The following RBFOX1 variants were observed in gnomAD, a reference collection of about 807,000 sequenced individuals.
RBFOX1 encodes the protein RNA binding fox-1 homolog 1, also known as RNA binding protein fox-1 homolog 1.
Under a neutral mutation model 57.7 loss-of-function variants are expected in RBFOX1, and 8 were observed. That is an observed-to-expected ratio of 0.14 (90% CI 0.08 to 0.25). RBFOX1 has a LOEUF of 0.25. RBFOX1 is among the 10% of genes least tolerant of loss of function. The pLI is 1.00. For missense variants in RBFOX1, 611 were observed against 548.5 expected (o/e 1.11, Z -1.14); for synonymous variants, 326 against 222.4 (o/e 1.47, Z -4.15).
intron 4 of RBFOX1, among the ~76,000 whole-genome samples, chr16:5,954,929 G>C (rs2059593236): frequency 6.6e-6 from 1 of 151,666 alleles, no homozygotes; most frequent in African/African-American, 2.4e-5. Flanking sequence ...GCACCATTCA[G>C]TTCCTGGGTT....
At chr16:7,139,748 A>G (rs530378291) in intron 4 of RBFOX1, among the ~76,000 whole-genome samples, 36 of 152,172 alleles carry the variant, frequency 2.4e-4, no homozygotes, top group African/African-American at 8.7e-4. Context: ...TGAGAAATAC[A>G]TTGATTGGAT....
intron 4 of RBFOX1, among the ~76,000 whole-genome samples, chr16:5,867,705 C>A (rs12924516): frequency 2.0e-5 from 3 of 151,782 alleles, no homozygotes; most frequent in South Asian, 2.1e-4. Flanking sequence ...TATTTTTTTC[C>A]TTTCCTTTAT....
intron 2 of RBFOX1, among the ~76,000 whole-genome samples, chr16:6,487,086 A>G (rs2095499857): frequency 6.6e-6 from 1 of 151,892 alleles, no homozygotes; most frequent in Non-Finnish European, 1.5e-5. Flanking sequence ...GTGTGTTTTT[A>G]TTAAGCTAAA....
intron 2 of RBFOX1, among the ~76,000 whole-genome samples, chr16:6,535,742 T>C (rs1368308200): frequency 1.3e-5 from 2 of 152,230 alleles, no homozygotes; most frequent in African/African-American, 4.8e-5. Flanking sequence ...GAAGCCTCTT[T>C]CATCTTTCTC....
At chr16:6,916,841 T>A (rs1019995809) in intron 3 of RBFOX1, among the ~76,000 whole-genome samples, 1 of 152,120 alleles carries the variant, frequency 6.6e-6, no homozygotes, top group African/African-American at 2.4e-5. Context: ...TTTTTTTATT[T>A]GTTTGTTTTT....
intron 3 of RBFOX1, among the ~76,000 whole-genome samples, chr16:6,758,673 C>A (rs1303941111): frequency 6.6e-6 from 1 of 152,128 alleles, no homozygotes; most frequent in Non-Finnish European, 1.5e-5. Flanking sequence ...GCAAGACACA[C>A]CACCAATTTA....
intron 3 of RBFOX1, among the ~76,000 whole-genome samples, chr16:6,723,257 G>C (rs1453557335): frequency 6.6e-6 from 1 of 152,206 alleles, no homozygotes. Flanking sequence ...TGGGCAAGCA[G>C]TTTCTTCGTG....
At chr16:6,719,257 T>C (rs1603458567) in intron 3 of RBFOX1, among the ~76,000 whole-genome samples, 2 of 152,036 alleles carry the variant, frequency 1.3e-5, no homozygotes, top group Admixed American at 1.3e-4. Flanking sequence ...AGTATTTAAA[T>C]AGAAATACTA....
intron 3 of RBFOX1, among the ~76,000 whole-genome samples, chr16:6,707,410 C>T (rs1020840945): frequency 7.9e-5 from 12 of 151,262 alleles, no homozygotes; most frequent in African/African-American, 2.7e-4. Context: ...TTAACAGCTC[C>T]TACAATTGTC....
At chr16:5,513,099 C>T (rs1235371714) in intron 2 of RBFOX1, among the ~76,000 whole-genome samples, 1 of 152,056 alleles carries the variant, frequency 6.6e-6, no homozygotes, top group East Asian at 1.9e-4. Flanking sequence ...ATTTTTTGTA[C>T]AGATAGGATG....
chr16:6,902,388 A>G (rs531821518), intron 3 of RBFOX1, among the ~76,000 whole-genome samples: 4 of 152,194 alleles, frequency 2.6e-5, no homozygotes, highest in Non-Finnish European at 4.4e-5. Context: ...TGGAGCTATC[A>G]AGAGGAAAGT....
chr16:5,244,893 T>C (rs1328690743), intron 1 of RBFOX1, among the ~76,000 whole-genome samples: 1 of 152,222 alleles, frequency 6.6e-6, no homozygotes, highest in African/African-American at 2.4e-5. Context: ...CAAGTCTTAC[T>C]GTGCTGGGAG....
chr16:6,936,720 C>G (rs995848238), intron 3 of RBFOX1, among the ~76,000 whole-genome samples: 5 of 151,960 alleles, frequency 3.3e-5, no homozygotes, highest in Non-Finnish European at 1.5e-5. Flanking sequence ...AAAACAAAAA[C>G]TCATACAGCT....
At chr16:7,150,620 A>G (rs1567467521) in intron 4 of RBFOX1, among the ~76,000 whole-genome samples, 1 of 152,210 alleles carries the variant, frequency 6.6e-6, no homozygotes, top group Non-Finnish European at 1.5e-5. Context: ...TCTATTGACA[A>G]CTTAATTCTT....
At chr16:5,856,561 GTA>G (rs200574788) in intron 3 of RBFOX1, among the ~76,000 whole-genome samples, 1,583 of 43,884 alleles carry the variant, frequency 0.036, 119 homozygotes, top group East Asian at 0.091. Flanking sequence ...GTGTGTGTGT[GTA>G]TGTGTGTGTG....
chr16:6,371,070 T>C (rs1409945851), intron 2 of RBFOX1, among the ~76,000 whole-genome samples: 1 of 152,204 alleles, frequency 6.6e-6, no homozygotes, highest in Non-Finnish European at 1.5e-5. Flanking sequence ...AAGAGACACA[T>C]GATATTAGTT....
chr16:6,040,838 C>T (rs560508112), intron 1 of RBFOX1, among the ~76,000 whole-genome samples: 3 of 152,258 alleles, frequency 2.0e-5, no homozygotes, highest in East Asian at 3.9e-4. Context: ...AATTGATCTG[C>T]GTGCCTTGGC....
intron 1 of RBFOX1, among the ~76,000 whole-genome samples, chr16:6,272,157 A>G (rs1482444828): frequency 1.3e-5 from 2 of 152,232 alleles, no homozygotes; most frequent in South Asian, 2.1e-4. Context: ...AATTAAATCA[A>G]TGTAATCTAC....
intron 1 of RBFOX1, among the ~76,000 whole-genome samples, chr16:5,364,668 G>A (rs148641063): frequency 1.3e-5 from 2 of 152,190 alleles, no homozygotes; most frequent in African/African-American, 2.4e-5. Context: ...TGCTCTACAC[G>A]CATCTCGGAA....
Sources: gnomAD v4.1 joint callset for allele counts (sites outside exome capture counted in the v4.1 genomes callset) on GRCh38, gnomAD v4.1.1 for gene constraint, MANE v1.5 for transcripts, NCBI Gene and HGNC (gene_info 2026-07-23, HGNC 2026-07-21) for gene names.